NIBAN1: variants seen among roughly 807,000 people sequenced by gnomAD.
NIBAN1 encodes the protein protein Niban 1.
In NIBAN1, 81 loss-of-function variants were observed where a neutral mutation model predicts 75.1. The observed-to-expected ratio is 1.08, with a 90% CI of 0.90 to 1.30. The LOEUF is 1.30. Ranked by LOEUF, NIBAN1 falls within the 50% of genes most tolerant of loss-of-function variation. NIBAN1 has a pLI of 0.00. For missense variants in NIBAN1, 1,133 were observed against 1,128.1 expected, an observed-to-expected ratio of 1.00 and a Z score of -0.06; for synonymous variants, 436 against 424.8, an observed-to-expected ratio of 1.03 and a Z score of -0.32.
At chr1:184,808,961 T>C (rs1256755778) in intron 9 of NIBAN1, among the ~76,000 whole-genome samples, 1 of 152,206 alleles carries the variant, frequency 6.6e-6, no homozygotes, top group African/African-American at 2.4e-5. Flanking sequence ...TTTCCAAGCT[T>C]AGTTTAAAAT....
rs747491478 is a variant in NIBAN1, at chr1:184,894,166, A to G, written c.227T>C (p.Leu76Pro). ...CTTTATGTCTTCAGAAAATTGTGAT[A>G]GCTCTGCTTCATACAAAATAGTTCC... ...APGTILYEAE[L>P]SQFSEDIKKW... The change falls in exon 3 of 14, where the codon CTA (leucine) becomes CCA (proline). Residue 76 changes from leucine (L) to proline (P), a missense_variant. By Grantham distance (98) the Leu-to-Pro change is moderately conservative. Transcript: ENST00000367511. 5 of 1,612,522 alleles carry G rather than the reference A, an allele frequency of 3.1e-6. No individual in the cohort carries two copies. Among genetic ancestry groups the G allele is most frequent in the Non-Finnish European group, 4.2e-6 (5 of 1,179,400 alleles).
rs1176422164 is a variant in NIBAN1 at position 184,795,069 on chromosome 1, G to A, written c.2695C>T (p.Pro899Ser). ...TGTGACAGCAGGACATCCGGGTTTG[G>A]AGCATCCTCCACCACCCACTGACAC... ...HECQWVVEDA[P>S]NPDVLLSHKD... is the part of the protein sequence containing the mutation. Residue 899 changes from proline to serine, a missense_variant, in exon 14 of 14, where the codon CCA becomes TCA. By Grantham distance (74) the Pro-to-Ser change is moderately conservative (BLOSUM62 -1). Transcript: ENST00000367511. 7 of 1,613,990 alleles carry A rather than the reference G, an allele frequency of 4.3e-6. No individual in the cohort carries two copies. In the South Asian group the frequency reaches 6.6e-5, roughly 15 times the overall value.
chr1:184,924,056 T>A (rs1657625367), intron 1 of NIBAN1, among the ~76,000 whole-genome samples: 1 of 152,052 alleles, frequency 6.6e-6, no homozygotes, highest in African/African-American at 2.4e-5. Flanking sequence ...CCAGTTTAGG[T>A]GCCTTTTATT....
chr1:184,903,725 G>A (rs990905239), intron 1 of NIBAN1, among the ~76,000 whole-genome samples: 4 of 139,282 alleles, frequency 2.9e-5, no homozygotes, highest in Non-Finnish European at 6.2e-5. Context: ...ACCATGAGCC[G>A]ATTAAACCTT....
intron 5 of NIBAN1, among the ~76,000 whole-genome samples, chr1:184,883,361 A>C (rs554985165): frequency 1.3e-5 from 2 of 152,206 alleles, no homozygotes; most frequent in East Asian, 3.9e-4. Context: ...TTGAATTTCA[A>C]CTCCCAGAGA....
intron 9 of NIBAN1, among the ~76,000 whole-genome samples, chr1:184,815,341 G>A (rs1260716213): frequency 3.9e-5 from 6 of 152,118 alleles, no homozygotes; most frequent in African/African-American, 1.4e-4. Context: ...GACTGTCATT[G>A]CCCTCCACAC....
At chr1:184,952,585 CA>C (rs1474733056) in intron 1 of NIBAN1, among the ~76,000 whole-genome samples, 1 of 151,970 alleles carries the variant, frequency 6.6e-6, no homozygotes, top group South Asian at 2.1e-4. Context: ...AAATTGCACA[CA>C]AAAAAATCTC....
intron 5 of NIBAN1, among the ~76,000 whole-genome samples, chr1:184,855,443 A>G (rs1000289521): frequency 6.6e-6 from 1 of 152,002 alleles, no homozygotes; most frequent in Non-Finnish European, 1.5e-5. Context: ...TTTGTTTGTT[A>G]ATCCCATACT....
At chr1:184,912,582 G>A (rs551892104) in intron 1 of NIBAN1, among the ~76,000 whole-genome samples, 3 of 152,234 alleles carry the variant, frequency 2.0e-5, no homozygotes, top group African/African-American at 7.2e-5. Flanking sequence ...TTACTAGTGA[G>A]GCTGAGCAAC....
At chr1:184,864,239 C>T (rs1042693948) in intron 5 of NIBAN1, among the ~76,000 whole-genome samples, 1 of 152,198 alleles carries the variant, frequency 6.6e-6, no homozygotes, top group Non-Finnish European at 1.5e-5. Context: ...TGTCAGCCTT[C>T]ACACAGTGCT....
chr1:184,836,537 A>T (rs1655151305), intron 5 of NIBAN1, among the ~76,000 whole-genome samples: 1 of 152,226 alleles, frequency 6.6e-6, no homozygotes, highest in Admixed American at 6.5e-5. Flanking sequence ...TGTTTCAAAG[A>T]TCTTTGGAAA....
chr1:184,871,765 T>G (rs1421743841), intron 5 of NIBAN1, among the ~76,000 whole-genome samples: 1 of 152,172 alleles, frequency 6.6e-6, no homozygotes, highest in Non-Finnish European at 1.5e-5. Context: ...CAAATTAAAT[T>G]GCAGAAACCA....
At chr1:184,922,340 T>C (rs915546679) in intron 1 of NIBAN1, among the ~76,000 whole-genome samples, 68 of 152,186 alleles carry the variant, frequency 4.5e-4, no homozygotes, top group African/African-American at 1.6e-3. Context: ...TAGATCTTAT[T>C]CATTCTATCT....
At chr1:184,895,012 C>G (rs973265787) in intron 2 of NIBAN1, among the ~76,000 whole-genome samples, 1 of 152,034 alleles carries the variant, frequency 6.6e-6, no homozygotes, top group African/African-American at 2.4e-5. Context: ...TCTATTTTCC[C>G]TTTATTAAAA....
At chr1:184,896,345 T>G (rs755864469) in intron 2 of NIBAN1, among the ~76,000 whole-genome samples, 1 of 152,138 alleles carries the variant, frequency 6.6e-6, no homozygotes, top group Non-Finnish European at 1.5e-5. Flanking sequence ...TGTTGTCCAC[T>G]TGTATGTCTT....
intron 5 of NIBAN1, among the ~76,000 whole-genome samples, chr1:184,881,042 T>A (rs948023536): frequency 5.3e-5 from 8 of 151,790 alleles, no homozygotes; most frequent in Non-Finnish European, 8.8e-5. Flanking sequence ...GCCTGCCCAA[T>A]GAAGAGGTGC....
chr1:184,827,320 A>G (rs992690202), intron 6 of NIBAN1, among the ~76,000 whole-genome samples: 1 of 151,812 alleles, frequency 6.6e-6, no homozygotes, highest in African/African-American at 2.4e-5. Context: ...CACCATCCTC[A>G]TCCTCCGACT....
At chr1:184,886,525 C>T (rs1656529956) in intron 4 of NIBAN1, among the ~76,000 whole-genome samples, 1 of 152,138 alleles carries the variant, frequency 6.6e-6, no homozygotes, top group South Asian at 2.1e-4. Flanking sequence ...TTTACCTCTT[C>T]CCTCAAAATC....
intron 5 of NIBAN1, among the ~76,000 whole-genome samples, chr1:184,880,458 A>G (rs1389919171): frequency 6.6e-6 from 1 of 152,234 alleles, no homozygotes; most frequent in East Asian, 1.9e-4. Flanking sequence ...AATATGCATC[A>G]CAAAGCCCCT....
Sources: allele counts gnomAD v4.1 joint callset (sites outside exome capture counted in the v4.1 genomes callset), GRCh38; gene constraint gnomAD v4.1.1; transcripts MANE v1.5; gene names NCBI Gene and HGNC (gene_info 2026-07-23, HGNC 2026-07-21).